LMBR1: variants seen among roughly 807,000 people sequenced by gnomAD.
The protein encoded by LMBR1 is limb region 1 protein homolog.
A neutral mutation model predicts 73.9 loss-of-function variants in LMBR1; 52 were observed. The ratio of observed to expected loss-of-function variants is 0.70; its 90% confidence interval spans 0.56 to 0.89. The LOEUF is 0.89. Among genes scored for constraint, LMBR1 ranks in the 40% least tolerant of loss-of-function variants. The pLI, the probability that LMBR1 is intolerant of heterozygous loss-of-function variation, is 0.00. For synonymous variants in LMBR1, 215 were observed against 209.4 expected, an observed-to-expected ratio of 1.03 and a Z score of -0.23; for missense variants, 539 against 579.8, an observed-to-expected ratio of 0.93 and a Z score of 0.72.
intron 15 of LMBR1, among the ~76,000 whole-genome samples, chr7:156,713,543 A>G (rs1429747536): frequency 6.6e-6 from 1 of 152,034 alleles, no homozygotes; most frequent in African/African-American, 2.4e-5. Flanking sequence ...CTGTGAACCT[A>G]AAACTGCTCT....
At chr7:156,775,683 T>C (rs1826003166) in intron 5 of LMBR1, among the ~76,000 whole-genome samples, 2 of 152,210 alleles carry the variant, frequency 1.3e-5, no homozygotes, top group South Asian at 4.1e-4. Flanking sequence ...CCATTATACT[T>C]TATGCTTTTC....
chr7:156,768,401 C>T (rs1242511115), intron 5 of LMBR1, among the ~76,000 whole-genome samples: 3 of 151,872 alleles, frequency 2.0e-5, no homozygotes, highest in African/African-American at 7.3e-5. Context: ...CAACAGAAAA[C>T]CTTTATTCAT....
intron 4 of LMBR1, among the ~76,000 whole-genome samples, chr7:156,805,036 C>T (rs1831752982): frequency 6.6e-6 from 1 of 151,986 alleles, no homozygotes; most frequent in Admixed American, 6.6e-5. Context: ...GACTGAAGTT[C>T]ATTTTTTGCC....
At position 156,791,105 on chromosome 7, in the gene LMBR1, G is replaced by A. The variant is rs573417397; in HGVS notation, c.423+5284C>T. ...GGTGTTGGGAAAATCAAATTAACAC[G>A]TAACAATAGTTAGTGAGATATGGCT... On this transcript the variant is annotated intron_variant, in intron 5 of 16. Coordinates refer to ENST00000353442, the MANE Select transcript of LMBR1 (RefSeq NM_022458.4). Among the ~76,000 whole-genome samples the A allele has an allele frequency of 1.1e-4, 16 of 152,128 alleles. No homozygotes were observed. Among genetic ancestry groups the A allele is most frequent in the East Asian group, 1.9e-4 (1 of 5,184 alleles).
At position 156,680,765 on chromosome 7, in the gene LMBR1, T is replaced by A. The variant is rs2131823888; in HGVS notation, c.*3313A>T. The A allele has an allele frequency of 5.7e-6, 1 of 176,112 alleles. No individual in the cohort carries two copies. The highest frequency in any genetic ancestry group is 2.4e-5 in the African/African-American group (1 of 41,684). The allele number at this position is 176,112 out of a possible 1,614,324, so 10.9% of individuals were successfully genotyped here. A position where few individuals can be genotyped will look rare whatever the true frequency, so the allele number is the denominator to read the frequency against. On this transcript the variant is annotated 3_prime_UTR_variant, in exon 17 of 17. Transcript: ENST00000353442. ...GAATAATTACTGCCCTCTATAAAAC[T>A]GAAATGGAATTAAACTATAAATACC... is the stretch of plus-strand genomic sequence containing the variant.
chr7:156,723,263 A>G (rs1195989199), intron 15 of LMBR1, among the ~76,000 whole-genome samples: 2 of 152,162 alleles, frequency 1.3e-5, no homozygotes, highest in African/African-American at 2.4e-5. Context: ...TAAGTCTTCA[A>G]TAAATAATGG....
chr7:156,803,347 G>C (rs1288051656), intron 4 of LMBR1, among the ~76,000 whole-genome samples: 1 of 151,864 alleles, frequency 6.6e-6, no homozygotes. Flanking sequence ...CGAAGGATAT[G>C]AACAGACACT....
rs112244729 is a variant in LMBR1, at chr7:156,693,317, A to G, written c.1226-5126T>C. ...AGAAGAAAGAAAATAATAAAGACTG[A>G]AGCAGAAATAAATGAATTAGAAAAT... On this transcript the variant is annotated intron_variant, in intron 15 of 16. Coordinates refer to ENST00000353442, the MANE Select transcript of LMBR1 (RefSeq NM_022458.4). 6.0e-3 allele frequency among the ~76,000 whole-genome samples: 916 copies of G among 152,206 alleles called. 21 individuals are homozygous for G. The South Asian group carries it at 0.079, about 13-fold the overall frequency.
Position 156,736,472 on chromosome 7 carries a change from C to T in LMBR1, c.758-2215G>A, listed in dbSNP as rs1033066696. The T allele has an allele frequency of 3.5e-5, 16 of 456,012 alleles. No homozygotes were observed. In the East Asian group the frequency reaches 1.1e-3, roughly 32 times the overall value. 28.2% of individuals were successfully genotyped at this position (456,012 alleles called of 1,614,324 possible). A position where few individuals can be genotyped will look rare whatever the true frequency, so the allele number is the denominator to read the frequency against. On this transcript the variant is annotated intron_variant, in intron 9 of 16. Transcript: ENST00000353442. ...TTATCAAGATGAAGCATGCACATAG[C>T]TCAAAGTGTCAAACACATACGTGGG... is the stretch of plus-strand genomic sequence containing the variant.
chr7:156,705,288 T>C (rs151026399), intron 15 of LMBR1, among the ~76,000 whole-genome samples: 74 of 152,316 alleles, frequency 4.9e-4, no homozygotes, highest in Non-Finnish European at 9.7e-4. Flanking sequence ...CTGGGCATAG[T>C]GGCTTACACC....
chr7:156,748,355 TAGATA>T (rs1325687947), intron 9 of LMBR1, among the ~76,000 whole-genome samples: 1 of 152,234 alleles, frequency 6.6e-6, no homozygotes, highest in Non-Finnish European at 1.5e-5. Context: ...AGATCTAAAC[TAGATA>T]AGATGTTAAG....
intron 1 of LMBR1, among the ~76,000 whole-genome samples, chr7:156,857,054 T>C (rs1402343652): frequency 6.6e-6 from 1 of 151,110 alleles, no homozygotes; most frequent in Non-Finnish European, 1.5e-5. Flanking sequence ...GAAAACAGAC[T>C]CATAAAATGC....
At chr7:156,816,169 G>A (rs1210948260) in intron 4 of LMBR1, among the ~76,000 whole-genome samples, 2 of 151,896 alleles carry the variant, frequency 1.3e-5, no homozygotes, top group Non-Finnish European at 1.5e-5. Context: ...TTTATCAAAA[G>A]CTAAATGAAA....
intron 5 of LMBR1, among the ~76,000 whole-genome samples, chr7:156,785,066 G>A (rs1243627033): frequency 1.3e-5 from 2 of 152,162 alleles, no homozygotes; most frequent in Non-Finnish European, 2.9e-5. Flanking sequence ...ACTAATTACA[G>A]TAAAACAATA....
At chr7:156,859,581 ACC>A (rs1563553619) in intron 1 of LMBR1, among the ~76,000 whole-genome samples, 5 of 149,984 alleles carry the variant, frequency 3.3e-5, no homozygotes, top group African/African-American at 1.2e-4. Flanking sequence ...AAAAAAAAAA[ACC>A]ACCATTTACA....
chr7:156,699,055 T>G (rs2132028593), intron 15 of LMBR1, among the ~76,000 whole-genome samples: 1 of 152,340 alleles, frequency 6.6e-6, no homozygotes, highest in South Asian at 2.1e-4. Flanking sequence ...CTTAGAAATT[T>G]CTCACACCAG....
chr7:156,824,093 A>AAACAAC (rs71522057), intron 4 of LMBR1, among the ~76,000 whole-genome samples: 11 of 150,204 alleles, frequency 7.3e-5, no homozygotes, highest in Middle Eastern at 3.4e-3. Context: ...CCATCTCAAA[A>AAACAAC]AACAACAACA....
At chr7:156,875,962 T>A (rs1275410895) in intron 1 of LMBR1, among the ~76,000 whole-genome samples, 1 of 150,356 alleles carries the variant, frequency 6.7e-6, no homozygotes, top group East Asian at 1.9e-4. Context: ...AATGGAATAG[T>A]ACCTCAAATC....
Position 156,715,151 on chromosome 7 carries a change from G to A in LMBR1, c.1225+8961C>T, listed in dbSNP as rs987761870. Among the ~76,000 whole-genome samples the A allele has an allele frequency of 5.9e-5, 9 of 151,762 alleles. No individual in the cohort carries two copies. In the East Asian group the frequency reaches 9.7e-4, roughly 16 times the overall value. Reference sequence around the variant, plus strand: ...ATTTTTAGTAGAGATGGGGTTTCACGATGTTGGCCAGGCTGGTCTGGAACT... The same window carrying A: ...ATTTTTAGTAGAGATGGGGTTTCACAATGTTGGCCAGGCTGGTCTGGAACT... On this transcript the variant is annotated intron_variant, in intron 15 of 16. Transcript: ENST00000353442.
Sources: gnomAD v4.1 joint callset for allele counts (sites outside exome capture counted in the v4.1 genomes callset) on GRCh38, gnomAD v4.1.1 for gene constraint, MANE v1.5 for transcripts, NCBI Gene and HGNC (gene_info 2026-07-23, HGNC 2026-07-21) for gene names.